SORCS1: variants seen among roughly 807,000 people sequenced by gnomAD.
SORCS1 encodes VPS10 domain-containing receptor SorCS1.
In SORCS1, 60 loss-of-function variants were observed where a neutral mutation model predicts 146.1. The ratio of observed to expected loss-of-function variants is 0.41; its 90% CI spans 0.33 to 0.51. SORCS1 has a LOEUF of 0.51. SORCS1 is among the 20% of genes least tolerant of loss of function. The probability of loss-of-function intolerance (pLI) is 0.21; values close to 1 mark genes in which losing one functional copy is unlikely to be tolerated. For synonymous variants in SORCS1, 637 were observed against 584.0 expected, an observed-to-expected ratio of 1.09 and a Z score of -1.31; for missense variants, 1,352 against 1,487.6, an observed-to-expected ratio of 0.91 and a Z score of 1.50.
intron 24 of SORCS1, among the ~76,000 whole-genome samples, chr10:106,595,141 C>T (rs1038879928): frequency 6.6e-6 from 1 of 152,154 alleles, no homozygotes; most frequent in Non-Finnish European, 1.5e-5. Context: ...CCATCAAATG[C>T]CCTGAGATAA....
intron 3 of SORCS1, among the ~76,000 whole-genome samples, chr10:106,797,251 T>A (rs1357810714): frequency 1.3e-5 from 2 of 152,198 alleles, no homozygotes; most frequent in Non-Finnish European, 2.9e-5. Context: ...CTCTGGCTCT[T>A]TTTATCTGCA....
chr10:106,822,250 AGGT>A (rs1948073993), intron 3 of SORCS1, among the ~76,000 whole-genome samples: 1 of 152,226 alleles, frequency 6.6e-6, no homozygotes, highest in South Asian at 2.1e-4. Flanking sequence ...ATGTTATAAT[AGGT>A]GCTTTGATTT....
chr10:106,976,027 T>A (rs1955980909), intron 1 of SORCS1, among the ~76,000 whole-genome samples: 1 of 150,386 alleles, frequency 6.6e-6, no homozygotes, highest in Admixed American at 6.7e-5. Flanking sequence ...GCACCTGTAA[T>A]CCCAGCTACT....
At chr10:107,109,436 C>T (rs1269182157) in intron 1 of SORCS1, among the ~76,000 whole-genome samples, 1 of 152,218 alleles carries the variant, frequency 6.6e-6, no homozygotes, top group Non-Finnish European at 1.5e-5. Flanking sequence ...GACTTGCACC[C>T]TTTGAAGCAG....
chr10:107,111,953 T>A (rs546286985), intron 1 of SORCS1, among the ~76,000 whole-genome samples: 1 of 152,232 alleles, frequency 6.6e-6, no homozygotes, highest in East Asian at 1.9e-4. Flanking sequence ...AACTGCCAAC[T>A]AACAATATTA....
intron 1 of SORCS1, among the ~76,000 whole-genome samples, chr10:107,114,251 A>G (rs1965880727): frequency 1.3e-5 from 2 of 152,176 alleles, no homozygotes; most frequent in South Asian, 4.1e-4. Context: ...TAAAGAGGAG[A>G]GGACATCTCC....
chr10:106,976,285 T>C (rs571006233), intron 1 of SORCS1, among the ~76,000 whole-genome samples: 5 of 151,116 alleles, frequency 3.3e-5, no homozygotes, highest in African/African-American at 9.7e-5. Flanking sequence ...GGTATATATG[T>C]GCCATGGTGG....
chr10:107,069,413 T>C (rs1194714912), intron 1 of SORCS1, among the ~76,000 whole-genome samples: 1 of 152,176 alleles, frequency 6.6e-6, no homozygotes, highest in Admixed American at 6.5e-5. Flanking sequence ...TTCACTCTTG[T>C]TGCCCAGGCT....
At chr10:107,034,402 G>A (rs965917022) in intron 1 of SORCS1, among the ~76,000 whole-genome samples, 8 of 151,714 alleles carry the variant, frequency 5.3e-5, no homozygotes, top group Non-Finnish European at 1.2e-4. Context: ...CTAATAGGCC[G>A]GGCATGGTGG....
At chr10:107,034,680 CAAAAAAAA>C (rs553032484) in intron 1 of SORCS1, among the ~76,000 whole-genome samples, 16 of 13,798 alleles carry the variant, frequency 1.2e-3, no homozygotes, top group East Asian at 8.3e-3. Flanking sequence ...AACTCCATCT[CAAAAAAAA>C]AAAAAAAAAA....
intron 1 of SORCS1, among the ~76,000 whole-genome samples, chr10:107,149,327 G>A (rs1442726777): frequency 6.6e-6 from 1 of 152,170 alleles, no homozygotes; most frequent in Non-Finnish European, 1.5e-5. Context: ...GCATAACTAA[G>A]TTTGGATAAC....
intron 2 of SORCS1, among the ~76,000 whole-genome samples, chr10:106,926,067 T>C (rs913870460): frequency 2.0e-5 from 3 of 152,216 alleles, no homozygotes; most frequent in Non-Finnish European, 4.4e-5. Flanking sequence ...TTATATCAAA[T>C]ATTATCCATC....
chr10:107,176,518 G>A, the SORCS1 span, among the ~76,000 whole-genome samples: 1,462 of 151,772 alleles, frequency 9.6e-3, 8 homozygotes, highest in Non-Finnish European at 0.015. Flanking sequence ...TTCAGTTTTT[G>A]TAGAGACGGG....
chr10:107,075,132 G>A (rs1428267454), intron 1 of SORCS1, among the ~76,000 whole-genome samples: 1 of 152,100 alleles, frequency 6.6e-6, no homozygotes, highest in Non-Finnish European at 1.5e-5. Context: ...AAACTGAGCA[G>A]TTTGGTTTTA....
At chr10:106,671,201 A>C in intron 16 of SORCS1, 36 bp downstream of exon 16, 1 of 1,613,214 alleles carries the variant, frequency 6.2e-7, no homozygotes, top group Non-Finnish European at 8.5e-7. Flanking sequence ...GATTTGATAC[A>C]CCAAATGGCT....
At chr10:106,712,786 T>C (rs1263210399) in intron 6 of SORCS1, among the ~76,000 whole-genome samples, 1 of 152,212 alleles carries the variant, frequency 6.6e-6, no homozygotes, top group Admixed American at 6.5e-5. Flanking sequence ...ATTCCAGTTA[T>C]ATTTCTGAAT....
chr10:106,598,279 T>TA (rs1846030888), intron 23 of SORCS1, among the ~76,000 whole-genome samples: 3 of 147,164 alleles, frequency 2.0e-5, no homozygotes, highest in Non-Finnish European at 3.0e-5. Context: ...TTATTATTAT[T>TA]TGAGATGGAG....
chr10:106,917,412 G>T (rs908445528), intron 2 of SORCS1, among the ~76,000 whole-genome samples: 3 of 152,106 alleles, frequency 2.0e-5, no homozygotes, highest in Non-Finnish European at 2.9e-5. Context: ...TATAGCTTTG[G>T]TATCCTCTGC....
chr10:106,592,363 A>G lies in SORCS1; in HGVS notation c.3265+4988T>C, dbSNP rs140133657. On this transcript the variant is annotated intron_variant, in intron 24 of 25. Coordinates refer to ENST00000263054, the MANE Select transcript of SORCS1 (RefSeq NM_052918.5). Reference sequence around the variant, plus strand: ...GGGGGCAGACACCATCCAGTCTCTAATGACATTCAGGTATCTGCAAATGCT... The same window carrying G: ...GGGGGCAGACACCATCCAGTCTCTAGTGACATTCAGGTATCTGCAAATGCT... 9.3e-4 allele frequency among the ~76,000 whole-genome samples: 141 copies of G among 152,338 alleles called. 1 individual carries two copies. The East Asian group carries it at 0.022, about 24-fold the overall frequency.
Sources: allele counts gnomAD v4.1 joint callset (sites outside exome capture counted in the v4.1 genomes callset), GRCh38; gene constraint gnomAD v4.1.1; transcripts MANE v1.5; gene names NCBI Gene and HGNC (gene_info 2026-07-23, HGNC 2026-07-21).